Variants in SLC24A2 observed in about 807,000 individuals in gnomAD.
SLC24A2 encodes sodium/potassium/calcium exchanger 2.
SLC24A2 carries 36 observed loss-of-function variants against 62.0 expected under a neutral mutation model. That is an observed-to-expected ratio of 0.58 (90% CI 0.44 to 0.77). SLC24A2 has a LOEUF of 0.77. Ranked by LOEUF, SLC24A2 falls within the 30% of genes least tolerant of loss-of-function variation. SLC24A2 has a pLI of 0.00. For synonymous variants in SLC24A2, 358 were observed against 294.0 expected, an observed-to-expected ratio of 1.22 and a Z score of -2.23; for missense variants, 846 against 817.9, an observed-to-expected ratio of 1.03 and a Z score of -0.42.
At chr9:20,130,455 T>G in the SLC24A2 span, among the ~76,000 whole-genome samples, 1 of 151,648 alleles carries the variant, frequency 6.6e-6, no homozygotes, top group Non-Finnish European at 1.5e-5. Context: ...TTCAGAAGGA[T>G]CTCAGGGGAA....
chr9:19,533,014 C>A (rs1034872288), intron 8 of SLC24A2, among the ~76,000 whole-genome samples: 1 of 152,172 alleles, frequency 6.6e-6, no homozygotes, highest in African/African-American at 2.4e-5. Flanking sequence ...GGAAACAAAG[C>A]CATTAATAAA....
chr9:19,861,075 G>A, the SLC24A2 span, among the ~76,000 whole-genome samples: 2 of 152,110 alleles, frequency 1.3e-5, no homozygotes, highest in Admixed American at 1.3e-4. Context: ...AGAGCCCCAG[G>A]GCTTTTAGCA....
the SLC24A2 span, among the ~76,000 whole-genome samples, chr9:20,043,823 A>G: frequency 6.6e-6 from 1 of 152,234 alleles, no homozygotes; most frequent in Non-Finnish European, 1.5e-5. Flanking sequence ...GATTTAGAAT[A>G]AACTTAGTTG....
At chr9:19,891,713 T>A in the SLC24A2 span, among the ~76,000 whole-genome samples, 3 of 152,032 alleles carry the variant, frequency 2.0e-5, no homozygotes, top group South Asian at 4.2e-4. Context: ...GCCACTGCAC[T>A]CCATCCTGGG....
the SLC24A2 span, among the ~76,000 whole-genome samples, chr9:19,893,748 CA>C: frequency 0.073 from 11,044 of 152,230 alleles, 515 homozygotes; most frequent in East Asian, 0.18. Flanking sequence ...GACAGGAACA[CA>C]AGATTGGCTA....
intron 2 of SLC24A2, among the ~76,000 whole-genome samples, chr9:19,643,004 T>C (rs1251610421): frequency 2.1e-4 from 32 of 150,634 alleles, no homozygotes; most frequent in Admixed American, 6.6e-5. Flanking sequence ...TTTTTTTTTT[T>C]TTTTAACATA....
the SLC24A2 span, among the ~76,000 whole-genome samples, chr9:20,086,297 A>T: frequency 5.9e-5 from 9 of 152,160 alleles, no homozygotes; most frequent in Middle Eastern, 0.01. Flanking sequence ...ATTGGACCAC[A>T]TGGCCCGTAT....
chr9:19,642,775 G>C (rs2118092084), intron 2 of SLC24A2, among the ~76,000 whole-genome samples: 1 of 146,042 alleles, frequency 6.8e-6, no homozygotes, highest in Middle Eastern at 3.6e-3. Context: ...CCGCCTCCCG[G>C]GTTCAAGCCA....
chr9:19,995,167 T>C, the SLC24A2 span, among the ~76,000 whole-genome samples: 1 of 152,172 alleles, frequency 6.6e-6, no homozygotes, highest in Non-Finnish European at 1.5e-5. Context: ...TACATAAACT[T>C]GCAACAAATA....
intron 2 of SLC24A2, among the ~76,000 whole-genome samples, chr9:19,781,317 G>A (rs1353601737): frequency 6.6e-6 from 1 of 152,104 alleles, no homozygotes; most frequent in Non-Finnish European, 1.5e-5. Context: ...AGAGGGGAAG[G>A]GGACAAAAGG....
intron 2 of SLC24A2, among the ~76,000 whole-genome samples, chr9:19,771,911 T>C (rs1491002662): frequency 6.6e-6 from 1 of 152,064 alleles, no homozygotes; most frequent in Non-Finnish European, 1.5e-5. Flanking sequence ...AGGAGTTACA[T>C]ATATTGGGGG....
At chr9:20,164,702 C>T in the SLC24A2 span, among the ~76,000 whole-genome samples, 417 of 151,864 alleles carry the variant, frequency 2.7e-3, 2 homozygotes, top group Non-Finnish European at 4.5e-3. Flanking sequence ...TATTGTGGCA[C>T]TATTCACAAT....
chr9:20,173,003 A>C, the SLC24A2 span, among the ~76,000 whole-genome samples: 1 of 152,136 alleles, frequency 6.6e-6, no homozygotes, highest in African/African-American at 2.4e-5. Flanking sequence ...TGGGTTTCAT[A>C]CCAGGGTTGC....
the SLC24A2 span, among the ~76,000 whole-genome samples, chr9:19,862,461 G>A: frequency 2.0e-5 from 3 of 152,064 alleles, no homozygotes; most frequent in Non-Finnish European, 2.9e-5. Flanking sequence ...CAATCAGAAA[G>A]GAAAGGATGT....
At chr9:19,797,387 C>G in the SLC24A2 span, among the ~76,000 whole-genome samples, 1 of 152,114 alleles carries the variant, frequency 6.6e-6, no homozygotes, top group African/African-American at 2.4e-5. Flanking sequence ...TTGTTCTGGC[C>G]TGGTTTTCAT....
the SLC24A2 span, among the ~76,000 whole-genome samples, chr9:19,795,440 C>T: frequency 0.041 from 6,285 of 152,212 alleles, 470 homozygotes; most frequent in African/African-American, 0.14. Context: ...TAGGAAGACA[C>T]GTGACATATA....
chr9:20,127,295 C>T, the SLC24A2 span, among the ~76,000 whole-genome samples: 6,787 of 152,148 alleles, frequency 0.045, 490 homozygotes, highest in African/African-American at 0.15. Flanking sequence ...CTTCATCTTG[C>T]TGATTGATTT....
chr9:19,616,668 T>C (rs1484429218), intron 4 of SLC24A2, among the ~76,000 whole-genome samples: 1 of 152,182 alleles, frequency 6.6e-6, no homozygotes, highest in African/African-American at 2.4e-5. Context: ...CTTCTAGGCT[T>C]TGTGGGTAAC....
the SLC24A2 span, among the ~76,000 whole-genome samples, chr9:20,018,944 A>ATC: frequency 6.6e-6 from 1 of 151,910 alleles, no homozygotes; most frequent in Non-Finnish European, 1.5e-5. Context: ...TGCACCTGTC[A>ATC]TCTCAGCTCC....
Sources: gnomAD v4.1 joint callset for allele counts (sites outside exome capture counted in the v4.1 genomes callset) on GRCh38, gnomAD v4.1.1 for gene constraint, MANE v1.5 for transcripts, NCBI Gene and HGNC (gene_info 2026-07-23, HGNC 2026-07-21) for gene names.